ADAM9: variants seen among roughly 807,000 people sequenced by gnomAD.
ADAM9 encodes disintegrin and metalloproteinase domain-containing protein 9.
In ADAM9, 54 loss-of-function variants were observed where a neutral mutation model predicts 108.1. The ratio of observed to expected loss-of-function variants is 0.50; its 90% CI spans 0.40 to 0.63. ADAM9 has a LOEUF of 0.63. Ranked by LOEUF, ADAM9 falls within the 20% of genes least tolerant of loss-of-function variation. The probability of loss-of-function intolerance (pLI) is 0.00; values close to 1 mark genes in which losing one functional copy is unlikely to be tolerated. For missense variants in ADAM9, 830 were observed against 997.7 expected (o/e 0.83, Z 2.26); for synonymous variants, 316 against 336.0 (o/e 0.94, Z 0.65).
At chr8:39,010,098 A>C (rs1836307167) in intron 2 of ADAM9, among the ~76,000 whole-genome samples, 1 of 151,852 alleles carries the variant, frequency 6.6e-6, no homozygotes, top group South Asian at 2.1e-4. Flanking sequence ...TTTCAGTAGG[A>C]TGGCCAGGGA....
At chr8:39,096,875 T>C (rs1839522824) in intron 20 of ADAM9, among the ~76,000 whole-genome samples, 1 of 152,206 alleles carries the variant, frequency 6.6e-6, no homozygotes, top group Non-Finnish European at 1.5e-5. Context: ...ATATTCTCAT[T>C]TTGTTCATAC....
Position 39,072,231 on chromosome 8 carries a change from A to T in ADAM9, c.1697+828A>T, listed in dbSNP as rs113502273. Among the ~76,000 whole-genome samples, 346 of 152,354 alleles carry T rather than the reference A, an allele frequency of 2.3e-3. 2 individuals are homozygous for T. The highest frequency in any genetic ancestry group is 7.9e-3 in the African/African-American group (330 of 41,590). ...CCATATATGTTCACTAATATCAGTG[A>T]AATTATTTTCTTCTTCACACTAACA... On this transcript the variant is annotated intron_variant, in intron 15 of 21. Transcript: ENST00000487273.
At chr8:39,045,510 G>GTA (rs1837729229) in intron 12 of ADAM9, among the ~76,000 whole-genome samples, 4 of 65,540 alleles carry the variant, frequency 6.1e-5, no homozygotes, top group Admixed American at 3.9e-4. Context: ...ATATGTGTGT[G>GTA]TACATACATA....
At chr8:39,067,277 A>C (rs915427867) in intron 14 of ADAM9, among the ~76,000 whole-genome samples, 2 of 152,250 alleles carry the variant, frequency 1.3e-5, no homozygotes, top group Middle Eastern at 3.4e-3. Context: ...ATTTTTTTCC[A>C]ATTCTGTGAA....
At chr8:39,073,492 C>T (rs781522768) in intron 15 of ADAM9, among the ~76,000 whole-genome samples, 5 of 152,258 alleles carry the variant, frequency 3.3e-5, no homozygotes, top group East Asian at 1.9e-4. Context: ...CTTTTGTTAT[C>T]GCTGTTCCTC....
intron 16 of ADAM9, among the ~76,000 whole-genome samples, chr8:39,079,518 A>G (rs888791990): frequency 1.3e-5 from 2 of 152,200 alleles, no homozygotes; most frequent in Non-Finnish European, 2.9e-5. Flanking sequence ...TATGAGAAGA[A>G]TATTAACTGT....
intron 14 of ADAM9, among the ~76,000 whole-genome samples, chr8:39,065,978 A>G (rs191870914): frequency 6.6e-4 from 101 of 152,006 alleles, no homozygotes; most frequent in Middle Eastern, 3.4e-3. Flanking sequence ...TTCAATTCCA[A>G]CCTATGAGTG....
chr8:39,011,527 C>CTA, intron 2 of ADAM9, 131 bp from the exon 3 acceptor site: 3 of 759,478 alleles, frequency 4.0e-6, no homozygotes, highest in Middle Eastern at 3.8e-4. Context: ...CAAAGTTCTT[C>CTA]TATTAAATAG....
chr8:39,011,268 C>T (rs1351509531), intron 2 of ADAM9, among the ~76,000 whole-genome samples: 2 of 152,114 alleles, frequency 1.3e-5, no homozygotes, highest in African/African-American at 2.4e-5. Context: ...TTCTTTTTAA[C>T]TTTATATAAG....
intron 12 of ADAM9, among the ~76,000 whole-genome samples, chr8:39,049,557 G>C (rs1191626828): frequency 2.0e-5 from 3 of 150,900 alleles, no homozygotes; most frequent in Non-Finnish European, 4.4e-5. Context: ...TCCTGCCTCA[G>C]CCTCCCAAGT....
intron 1 of ADAM9, among the ~76,000 whole-genome samples, chr8:38,999,328 C>CT (rs33913641): frequency 2.3e-4 from 34 of 147,510 alleles, no homozygotes; most frequent in African/African-American, 5.2e-4. Flanking sequence ...TTTCAGTAAA[C>CT]TTTTTTTTTT....
intron 14 of ADAM9, among the ~76,000 whole-genome samples, chr8:39,067,181 A>G (rs536889974): frequency 1.3e-5 from 2 of 152,298 alleles, no homozygotes; most frequent in South Asian, 2.1e-4. Context: ...GAAGTCAGGT[A>G]GTGTGATGCC....
intron 15 of ADAM9, among the ~76,000 whole-genome samples, chr8:39,074,152 C>T (rs1035147957): frequency 8.5e-5 from 13 of 152,106 alleles, no homozygotes; most frequent in African/African-American, 3.1e-4. Context: ...AAAGTCTTTT[C>T]TACCCATTGA....
intron 15 of ADAM9, among the ~76,000 whole-genome samples, chr8:39,072,156 A>G (rs1044104659): frequency 3.9e-5 from 6 of 152,250 alleles, no homozygotes; most frequent in African/African-American, 9.6e-5. Flanking sequence ...TTTGTAAAAC[A>G]TTAATAATGA....
At position 39,091,359 on chromosome 8, in the gene ADAM9, T is replaced by C. The variant is rs1240297795; in HGVS notation, c.2298+13T>C. The C allele has an allele frequency of 6.2e-7, 1 of 1,606,812 alleles. No individual in the cohort carries two copies. On this transcript the variant is annotated intron_variant, in intron 20 of 21. Coordinates refer to ENST00000487273, the MANE Select transcript of ADAM9 (RefSeq NM_003816.3). ...TCCCAGAGAAGTTGTAAGTATAAAATGAAAAATTATTTTTCTTTACTGTAT... is the reference window on the plus strand; with the variant it reads ...TCCCAGAGAAGTTGTAAGTATAAAACGAAAAATTATTTTTCTTTACTGTAT...
intron 20 of ADAM9, among the ~76,000 whole-genome samples, chr8:39,095,580 C>T (rs1839477818): frequency 2.0e-5 from 3 of 152,042 alleles, no homozygotes; most frequent in African/African-American, 4.8e-5. Context: ...GTTCTGTGTG[C>T]GTTTGAGAAG....
chr8:39,045,278 ATGTATATGTG>A (rs1837664916), intron 12 of ADAM9, among the ~76,000 whole-genome samples: 1 of 140,484 alleles, frequency 7.1e-6, no homozygotes, highest in South Asian at 2.2e-4. Context: ...ATACATACAT[ATGTATATGTG>A]TGTGTACACC....
rs544876028 is a variant in ADAM9 at position 39,021,149 on chromosome 8, T to C, written c.673-494T>C. 5.9e-5 allele frequency among the ~76,000 whole-genome samples: 9 copies of C among 152,314 alleles called. No homozygotes were observed. In the East Asian group the frequency reaches 1.7e-3, roughly 29 times the overall value. On this transcript the variant is annotated intron_variant, in intron 7 of 21. Transcript: ENST00000487273. The stretch of plus-strand genomic sequence containing the variant: ...ATTATTCACTTTACCCTTTTACCTG[T>C]TTTTCTTTTATTCCTGTCACTACAA...
intron 18 of ADAM9, among the ~76,000 whole-genome samples, chr8:39,083,303 T>C (rs1169194573): frequency 6.6e-6 from 1 of 152,236 alleles, no homozygotes. Flanking sequence ...ATTTTTCATC[T>C]TGCTTCCTAT....
Sources: allele counts gnomAD v4.1 joint callset (sites outside exome capture counted in the v4.1 genomes callset), GRCh38; gene constraint gnomAD v4.1.1; transcripts MANE v1.5; gene names NCBI Gene and HGNC (gene_info 2026-07-23, HGNC 2026-07-21).